ARL15: variants seen among roughly 807,000 people sequenced by gnomAD.
The protein encoded by ARL15 is ARF like GTPase 15.
A neutral mutation model predicts 25.2 loss-of-function variants in ARL15; 19 were observed. The ratio of observed to expected loss-of-function variants is 0.75; its 90% CI spans 0.53 to 1.10. ARL15 has a LOEUF of 1.10. Ranked by LOEUF, ARL15 falls within the 50% of genes least tolerant of loss-of-function variation. The probability of loss-of-function intolerance (pLI) is 0.00; values close to 1 mark genes in which losing one functional copy is unlikely to be tolerated. For missense variants in ARL15, 220 were observed against 246.0 expected (o/e 0.89, Z 0.71); for synonymous variants, 94 against 86.8 (o/e 1.08, Z -0.46).
At chr5:53,946,386 G>A (rs1168763842) in intron 4 of ARL15, among the ~76,000 whole-genome samples, 1 of 142,512 alleles carries the variant, frequency 7.0e-6, no homozygotes, top group Non-Finnish European at 1.5e-5. Context: ...GAAGGCGGAG[G>A]TTGCAGTGAG....
At chr5:54,005,803 A>G (rs1749012762) in intron 4 of ARL15, among the ~76,000 whole-genome samples, 1 of 151,544 alleles carries the variant, frequency 6.6e-6, no homozygotes, top group Non-Finnish European at 1.5e-5. Context: ...CGGAGCGTGC[A>G]GTGAGCCGAG....
chr5:54,112,912 A>G (rs569668349), intron 4 of ARL15, among the ~76,000 whole-genome samples: 3 of 152,346 alleles, frequency 2.0e-5, no homozygotes, highest in African/African-American at 7.2e-5. Context: ...TTAAAACAAC[A>G]TTAAATAACC....
At position 54,258,843 on chromosome 5, in the gene ARL15, G is replaced by A. The variant is rs533976249; in HGVS notation, c.48+51589C>T. Among the ~76,000 whole-genome samples the A allele has an allele frequency of 1.9e-4, 29 of 152,330 alleles. No individual in the cohort carries two copies. The East Asian group carries it at 5.6e-3, about 29-fold the overall frequency. Reference sequence around the variant, plus strand: ...CTGAGCCCCTCCAGGCTAAGCTGAGGTGGGGAAACGGGGGCAGTGTCATGG... The same window carrying A: ...CTGAGCCCCTCCAGGCTAAGCTGAGATGGGGAAACGGGGGCAGTGTCATGG... On this transcript the variant is annotated intron_variant, in intron 1 of 4. Transcript: ENST00000504924.
At chr5:54,054,589 G>T (rs920688041) in intron 4 of ARL15, among the ~76,000 whole-genome samples, 4 of 152,164 alleles carry the variant, frequency 2.6e-5, no homozygotes, top group Admixed American at 6.5e-5. Context: ...AGGAGATCAA[G>T]ACCATCCTGG....
chr5:54,217,358 T>C (rs1477015833), intron 1 of ARL15, among the ~76,000 whole-genome samples: 3 of 152,114 alleles, frequency 2.0e-5, no homozygotes, highest in African/African-American at 7.2e-5. Flanking sequence ...TGATCACAGA[T>C]CGTTAGTTAT....
chr5:54,195,089 C>G (rs1755513739), intron 1 of ARL15, among the ~76,000 whole-genome samples: 1 of 152,160 alleles, frequency 6.6e-6, no homozygotes, highest in South Asian at 2.1e-4. Context: ...TCTTATTTCT[C>G]AAGGCCCAAG....
chr5:53,907,480 ATATATATATTTTTTTTTTTTTT>A (rs1373035225), intron 4 of ARL15, among the ~76,000 whole-genome samples: 1 of 30,798 alleles, frequency 3.2e-5, no homozygotes, highest in Non-Finnish European at 5.7e-5. Context: ...ATATATATAT[ATATATATATTTTTTTTTTTTTT>A]TTTTTTTTTT....
At chr5:54,265,527 T>G (rs1243848391) in intron 1 of ARL15, among the ~76,000 whole-genome samples, 1 of 152,218 alleles carries the variant, frequency 6.6e-6, no homozygotes, top group Non-Finnish European at 1.5e-5. Context: ...TCAGGCACTT[T>G]GCAATTGAAT....
At chr5:54,126,012 T>C (rs1334575072) in intron 3 of ARL15, among the ~76,000 whole-genome samples, 1 of 152,182 alleles carries the variant, frequency 6.6e-6, no homozygotes, top group Non-Finnish European at 1.5e-5. Context: ...TGTGTTGCGC[T>C]GTGCTGTACT....
chr5:53,945,247 C>T (rs1746683583), intron 4 of ARL15, among the ~76,000 whole-genome samples: 1 of 152,202 alleles, frequency 6.6e-6, no homozygotes, highest in African/African-American at 2.4e-5. Flanking sequence ...CCACTGTACT[C>T]CTAGCTTCTA....
At chr5:54,177,129 C>T (rs187618622) in intron 1 of ARL15, among the ~76,000 whole-genome samples, 3 of 152,322 alleles carry the variant, frequency 2.0e-5, no homozygotes, top group East Asian at 1.9e-4. Flanking sequence ...CCTTTTCACA[C>T]GGGACAAGTT....
intron 4 of ARL15, among the ~76,000 whole-genome samples, chr5:54,062,506 T>C (rs1693275159): frequency 6.7e-6 from 1 of 148,340 alleles, no homozygotes; most frequent in Non-Finnish European, 1.5e-5. Flanking sequence ...TCACGAGATT[T>C]GGTGGTTAAG....
chr5:54,232,161 G>T (rs1471872436), intron 1 of ARL15, among the ~76,000 whole-genome samples: 1 of 152,042 alleles, frequency 6.6e-6, no homozygotes, highest in Non-Finnish European at 1.5e-5. Flanking sequence ...AAAAAGTCCT[G>T]CAATCTGACC....
At chr5:53,908,177 G>A (rs1745333778) in intron 4 of ARL15, among the ~76,000 whole-genome samples, 1 of 152,038 alleles carries the variant, frequency 6.6e-6, no homozygotes, top group Non-Finnish European at 1.5e-5. Flanking sequence ...TTTATCATTA[G>A]TTACTATTGT....
At chr5:53,894,712 G>C (rs1213313408) in intron 4 of ARL15, among the ~76,000 whole-genome samples, 1 of 152,120 alleles carries the variant, frequency 6.6e-6, no homozygotes. Flanking sequence ...AGGGATTCCT[G>C]CATCCAGGCC....
At chr5:53,886,742 G>T in intron 4 of ARL15, 29 bp from the exon 5 acceptor site, 1 of 1,509,804 alleles carries the variant, frequency 6.6e-7, no homozygotes, top group Non-Finnish European at 8.8e-7. Context: ...AGATAAATAG[G>T]TTATTAATTA....
At chr5:54,017,959 A>G (rs1749478086) in intron 4 of ARL15, among the ~76,000 whole-genome samples, 1 of 152,290 alleles carries the variant, frequency 6.6e-6, no homozygotes. Flanking sequence ...TCAGGATTTG[A>G]AGAATAATTC....
At chr5:54,053,893 A>C (rs1024478578) in intron 4 of ARL15, among the ~76,000 whole-genome samples, 3 of 152,216 alleles carry the variant, frequency 2.0e-5, no homozygotes, top group African/African-American at 4.8e-5. Flanking sequence ...AAATCTGAAT[A>C]CCATATCAAC....
intron 4 of ARL15, among the ~76,000 whole-genome samples, chr5:54,026,879 T>C (rs574864870): frequency 6.6e-6 from 1 of 152,250 alleles, no homozygotes; most frequent in East Asian, 1.9e-4. Flanking sequence ...TGCCAGAAGG[T>C]TACTAGAAGG....
Sources: allele counts gnomAD v4.1 joint callset (sites outside exome capture counted in the v4.1 genomes callset), GRCh38; gene constraint gnomAD v4.1.1; transcripts MANE v1.5; gene names NCBI Gene and HGNC (gene_info 2026-07-23, HGNC 2026-07-21).